Variants in GRIK1 observed in about 807,000 individuals in gnomAD.
The protein encoded by GRIK1 is glutamate receptor ionotropic, kainate 1.
A neutral mutation model predicts 105.7 loss-of-function variants in GRIK1; 69 were observed. The ratio of observed to expected loss-of-function variants is 0.65; its 90% CI spans 0.54 to 0.80. The LOEUF (loss-of-function observed/expected upper bound fraction) is 0.80, where lower values mean the gene tolerates loss of function less well. Among genes scored for constraint, GRIK1 ranks in the 30% least tolerant of loss-of-function variants. The pLI is 0.00. For synonymous variants in GRIK1, 438 were observed against 431.3 expected (o/e 1.02, Z -0.19); for missense variants, 1,109 against 1,167.3 (o/e 0.95, Z 0.73).
chr21:29,667,735 C>T (rs2063088700), intron 4 of GRIK1, among the ~76,000 whole-genome samples: 2 of 152,128 alleles, frequency 1.3e-5, no homozygotes, highest in South Asian at 4.1e-4. Context: ...AGGGAGCTTC[C>T]CATTGAATGG....
At chr21:29,597,387 T>C (rs1229195517) in intron 8 of GRIK1, among the ~76,000 whole-genome samples, 1 of 152,248 alleles carries the variant, frequency 6.6e-6, no homozygotes, top group African/African-American at 2.4e-5. Context: ...TAGCTCCATC[T>C]ATTTCATCAT....
chr21:29,775,275 CAAAAAAAAAAAA>C (rs66647707), intron 1 of GRIK1, among the ~76,000 whole-genome samples: 1 of 74,722 alleles, frequency 1.3e-5, no homozygotes, highest in Non-Finnish European at 2.7e-5. Context: ...GCCTCTGTCT[CAAAAAAAAAAAA>C]AAAAAAAAAA....
intron 1 of GRIK1, among the ~76,000 whole-genome samples, chr21:29,841,103 A>G (rs1328847682): frequency 1.3e-5 from 2 of 152,192 alleles, no homozygotes; most frequent in Admixed American, 1.3e-4. Flanking sequence ...AAGCTATATT[A>G]AACACATTTT....
At chr21:29,552,452 C>G (rs1432685838) in intron 16 of GRIK1, among the ~76,000 whole-genome samples, 1 of 152,096 alleles carries the variant, frequency 6.6e-6, no homozygotes, top group Admixed American at 6.5e-5. Context: ...GAAAATGAAT[C>G]TACAGAGATC....
intron 1 of GRIK1, among the ~76,000 whole-genome samples, chr21:29,814,499 T>C (rs1569122802): frequency 1.3e-5 from 2 of 152,056 alleles, no homozygotes; most frequent in South Asian, 2.1e-4. Context: ...TACAGCCTAA[T>C]TGGCAGCATC....
chr21:29,714,444 A>G (rs977758737), intron 1 of GRIK1, among the ~76,000 whole-genome samples: 2 of 152,228 alleles, frequency 1.3e-5, no homozygotes, highest in Admixed American at 6.5e-5. Context: ...CTGGTTAGCA[A>G]TGAGGGTTAC....
intron 7 of GRIK1, among the ~76,000 whole-genome samples, chr21:29,609,140 A>T (rs2409340): frequency 0.52 from 77,689 of 149,286 alleles, 23,036 homozygotes; most frequent in African/African-American, 0.81. Flanking sequence ...ATTAAATAAT[A>T]AGATAATAAT....
At chr21:29,653,190 A>T (rs528931706) in intron 5 of GRIK1, among the ~76,000 whole-genome samples, 87 of 152,356 alleles carry the variant, frequency 5.7e-4, no homozygotes, top group African/African-American at 2.0e-3. Context: ...TGAGTCCGGT[A>T]GCACACTCAG....
intron 1 of GRIK1, among the ~76,000 whole-genome samples, chr21:29,900,222 A>G (rs1203892423): frequency 6.6e-6 from 1 of 152,136 alleles, no homozygotes; most frequent in East Asian, 1.9e-4. Context: ...AAACTGCATC[A>G]ATTAATGGGC....
chr21:29,597,386 C>G (rs1568865756), intron 8 of GRIK1, among the ~76,000 whole-genome samples: 2 of 152,222 alleles, frequency 1.3e-5, no homozygotes, highest in Non-Finnish European at 2.9e-5. Flanking sequence ...ATAGCTCCAT[C>G]TATTTCATCA....
At chr21:29,916,834 G>C (rs923863093) in intron 1 of GRIK1, among the ~76,000 whole-genome samples, 2 of 151,946 alleles carry the variant, frequency 1.3e-5, no homozygotes, top group Non-Finnish European at 2.9e-5. Context: ...ATTGCAGGCA[G>C]TTGCATACTA....
At chr21:29,938,672 G>A (rs1017574348) in intron 1 of GRIK1, among the ~76,000 whole-genome samples, 1 of 152,180 alleles carries the variant, frequency 6.6e-6, no homozygotes, top group Admixed American at 6.5e-5. Flanking sequence ...CTGGGAACTG[G>A]ATCTTGCTCA....
intron 1 of GRIK1, among the ~76,000 whole-genome samples, chr21:29,844,805 A>G (rs1047629958): frequency 6.6e-6 from 1 of 152,192 alleles, no homozygotes; most frequent in African/African-American, 2.4e-5. Context: ...TTCATAGTTG[A>G]TTGATCTTGG....
intron 3 of GRIK1, among the ~76,000 whole-genome samples, chr21:29,684,283 TATCTATCTATCTATC>T (rs1369972822): frequency 6.6e-6 from 1 of 151,978 alleles, no homozygotes; most frequent in Non-Finnish European, 1.5e-5. Context: ...TCTATCTATC[TATCTATCTATCTATC>T]ATCTATCTAC....
chr21:29,540,270 A>G (rs1447313590), intron 16 of GRIK1, among the ~76,000 whole-genome samples: 1 of 152,218 alleles, frequency 6.6e-6, no homozygotes, highest in Non-Finnish European at 1.5e-5. Context: ...ACTCTTGACT[A>G]ACTCCAAGTA....
intron 1 of GRIK1, among the ~76,000 whole-genome samples, chr21:29,762,135 A>G (rs972301454): frequency 1.1e-4 from 16 of 152,248 alleles, no homozygotes; most frequent in South Asian, 2.1e-4. Flanking sequence ...GAGATTTTCA[A>G]TGTTCACAGT....
chr21:29,858,385 C>G (rs2832455), intron 1 of GRIK1, among the ~76,000 whole-genome samples: 11,447 of 152,174 alleles, frequency 0.075, 617 homozygotes, highest in Non-Finnish European at 0.11. Context: ...GTACCAGGTC[C>G]TATGTCAGGG....
chr21:29,858,805 T>C (rs1217021423), intron 1 of GRIK1, among the ~76,000 whole-genome samples: 1 of 151,628 alleles, frequency 6.6e-6, no homozygotes, highest in Non-Finnish European at 1.5e-5. Context: ...AGCCCTTCAC[T>C]CCACCCTGGC....
At chr21:29,776,825 A>G (rs905167511) in intron 1 of GRIK1, among the ~76,000 whole-genome samples, 1 of 152,176 alleles carries the variant, frequency 6.6e-6, no homozygotes, top group Non-Finnish European at 1.5e-5. Flanking sequence ...TCCATTCAAC[A>G]TGTATTTTTT....
Sources: allele counts gnomAD v4.1 joint callset (sites outside exome capture counted in the v4.1 genomes callset), GRCh38; gene constraint gnomAD v4.1.1; transcripts MANE v1.5; gene names NCBI Gene and HGNC (gene_info 2026-07-23, HGNC 2026-07-21).